The following MB21D2 variants were observed in gnomAD, a reference collection of about 807,000 sequenced individuals.
MB21D2 encodes the protein nucleotidyltransferase MB21D2.
A neutral mutation model predicts 33.3 loss-of-function variants in MB21D2; 9 were observed. That is an observed-to-expected ratio of 0.27 (90% CI 0.16 to 0.47). The LOEUF (loss-of-function observed/expected upper bound fraction) is 0.47, where lower values mean the gene tolerates loss of function less well. MB21D2 is among the 20% of genes least tolerant of loss of function. The pLI, the probability that MB21D2 is intolerant of heterozygous loss-of-function variation, is 0.99. For missense variants in MB21D2, 540 were observed against 624.6 expected, an observed-to-expected ratio of 0.86 and a Z score of 1.44; for synonymous variants, 241 against 236.3, an observed-to-expected ratio of 1.02 and a Z score of -0.18.
At chr3:192,834,316 C>CAA (rs556929185) in intron 1 of MB21D2, among the ~76,000 whole-genome samples, 16 of 110,686 alleles carry the variant, frequency 1.4e-4, no homozygotes, top group African/African-American at 4.1e-4. Context: ...GACTGCATCT[C>CAA]AAAAAAAAAA....
intron 1 of MB21D2, among the ~76,000 whole-genome samples, chr3:192,828,096 C>G (rs1229656213): frequency 3.9e-5 from 6 of 152,032 alleles, no homozygotes; most frequent in Admixed American, 3.3e-4. Context: ...TGAGGCCTCC[C>G]CAGCCATGTG....
At chr3:192,849,309 C>G (rs1712736602) in intron 1 of MB21D2, among the ~76,000 whole-genome samples, 1 of 69,260 alleles carries the variant, frequency 1.4e-5, no homozygotes, top group Non-Finnish European at 3.1e-5. Context: ...TTTCACGTCT[C>G]TTTTTTTGGG....
chr3:192,821,959 A>G (rs774157148), intron 1 of MB21D2, among the ~76,000 whole-genome samples: 10 of 152,210 alleles, frequency 6.6e-5, no homozygotes, highest in Non-Finnish European at 1.5e-4. Context: ...CAAACCCAAG[A>G]TAATAGGATG....
chr3:192,881,917 T>C (rs1024350613), intron 1 of MB21D2, among the ~76,000 whole-genome samples: 5 of 152,038 alleles, frequency 3.3e-5, no homozygotes, highest in Admixed American at 6.5e-5. Context: ...CCCAGTCTTA[T>C]AAACATTGGG....
intron 1 of MB21D2, among the ~76,000 whole-genome samples, chr3:192,907,534 T>C (rs1714239567): frequency 6.6e-6 from 1 of 152,148 alleles, no homozygotes; most frequent in East Asian, 1.9e-4. Flanking sequence ...CTCCAACCGA[T>C]TCTGTGACCT....
intron 1 of MB21D2, among the ~76,000 whole-genome samples, chr3:192,876,126 T>C (rs1198130740): frequency 1.3e-5 from 2 of 152,196 alleles, no homozygotes; most frequent in Non-Finnish European, 2.9e-5. Flanking sequence ...AGACATCCAA[T>C]GGCAATGGTA....
intron 1 of MB21D2, among the ~76,000 whole-genome samples, chr3:192,804,280 T>C (rs1711614019): frequency 6.6e-6 from 1 of 152,158 alleles, no homozygotes; most frequent in African/African-American, 2.4e-5. Flanking sequence ...TAATGCCAGA[T>C]TGCTAATACT....
intron 1 of MB21D2, among the ~76,000 whole-genome samples, chr3:192,817,679 G>A (rs1464817789): frequency 1.3e-5 from 2 of 152,222 alleles, no homozygotes; most frequent in East Asian, 3.9e-4. Context: ...ATGCCACTGT[G>A]TGTCACTGTA....
intron 1 of MB21D2, among the ~76,000 whole-genome samples, chr3:192,842,930 A>G (rs1712605874): frequency 6.6e-6 from 1 of 152,222 alleles, no homozygotes; most frequent in South Asian, 2.1e-4. Flanking sequence ...TGTGTCTTTG[A>G]CTAACAGAAG....
intron 1 of MB21D2, among the ~76,000 whole-genome samples, chr3:192,897,730 A>G (rs2108649923): frequency 6.6e-6 from 1 of 152,272 alleles, no homozygotes; most frequent in South Asian, 2.1e-4. Flanking sequence ...GGTGGCTCAC[A>G]CCTGTAAACC....
At chr3:192,804,471 G>A (rs999434334) in intron 1 of MB21D2, among the ~76,000 whole-genome samples, 2 of 151,120 alleles carry the variant, frequency 1.3e-5, no homozygotes, top group Non-Finnish European at 3.0e-5. Flanking sequence ...ACTTACATAT[G>A]TTGAAGGGAG....
chr3:192,897,564 T>C (rs1308751308), intron 1 of MB21D2, among the ~76,000 whole-genome samples: 2 of 152,222 alleles, frequency 1.3e-5, no homozygotes, highest in African/African-American at 4.8e-5. Context: ...CTTCTCATTT[T>C]TCAAGAAAAT....
At chr3:192,800,622 G>A (rs988665518) in intron 1 of MB21D2, among the ~76,000 whole-genome samples, 1 of 152,082 alleles carries the variant, frequency 6.6e-6, no homozygotes, top group African/African-American at 2.4e-5. Flanking sequence ...CCATTAGAAA[G>A]ACTATCTTCC....
intron 1 of MB21D2, among the ~76,000 whole-genome samples, chr3:192,826,952 T>G (rs1173522914): frequency 6.6e-6 from 1 of 151,184 alleles, no homozygotes; most frequent in African/African-American, 2.4e-5. Context: ...AGTGCAGTGG[T>G]GGAATCTCAG....
chr3:192,894,312 A>G (rs1713919284), intron 1 of MB21D2, among the ~76,000 whole-genome samples: 1 of 151,638 alleles, frequency 6.6e-6, no homozygotes, highest in South Asian at 2.1e-4. Flanking sequence ...TGTATTTTTA[A>G]TAGAGACGAG....
rs1714350652 is a variant in MB21D2, at chr3:192,911,530, G to GC, written c.211+6099_211+6100insG. On this transcript the variant is annotated intron_variant, in intron 1 of 1. Transcript: ENST00000392452. ...ACACAGGACAGGATGTTGACATGCT[G>GC]AGCAGCTTGTTGGGGGATCTCTAGG... is the stretch of plus-strand genomic sequence containing the variant. Among the ~76,000 whole-genome samples the GC allele has an allele frequency of 2.6e-5, 4 of 152,292 alleles. 1 individual carries two copies. In the South Asian group the frequency reaches 8.3e-4, roughly 32 times the overall value.
At chr3:192,854,903 G>GA (rs1230790204) in intron 1 of MB21D2, among the ~76,000 whole-genome samples, 2 of 152,160 alleles carry the variant, frequency 1.3e-5, no homozygotes, top group Non-Finnish European at 2.9e-5. Context: ...CCACTGCTCA[G>GA]AAAAAAAGAT....
At position 192,887,848 on chromosome 3, in the gene MB21D2, C is replaced by A. The variant is rs74951986; in HGVS notation, c.211+29782G>T. Among the ~76,000 whole-genome samples the A allele has an allele frequency of 7.7e-3, 1,178 of 152,118 alleles. 30 individuals carry two copies. Among genetic ancestry groups the A allele is most frequent in the African/African-American group, 0.027 (1,121 of 41,458 alleles). Reference sequence around the variant, plus strand: ...CAAACTTGAATGTGCATCTGAGTCACCCTGGGACCTTGTGGAGATGCAGTT... The same window carrying A: ...CAAACTTGAATGTGCATCTGAGTCAACCTGGGACCTTGTGGAGATGCAGTT... On this transcript the variant is annotated intron_variant, in intron 1 of 1. Coordinates refer to ENST00000392452, the MANE Select transcript of MB21D2 (RefSeq NM_178496.4).
chr3:192,880,064 G>A (rs1713526717), intron 1 of MB21D2, among the ~76,000 whole-genome samples: 1 of 152,102 alleles, frequency 6.6e-6, no homozygotes, highest in South Asian at 2.1e-4. Flanking sequence ...AAACAATAAG[G>A]ACGGGCGCAG....
Sources: allele counts gnomAD v4.1 joint callset (sites outside exome capture counted in the v4.1 genomes callset), GRCh38; gene constraint gnomAD v4.1.1; transcripts MANE v1.5; gene names NCBI Gene and HGNC (gene_info 2026-07-23, HGNC 2026-07-21).